Variants in PACSIN2 observed in about 807,000 individuals in gnomAD.
PACSIN2 encodes the protein protein kinase C and casein kinase substrate in neurons 2.
PACSIN2 carries 25 observed loss-of-function variants against 63.8 expected under a neutral mutation model. The observed-to-expected ratio is 0.39, with a 90% confidence interval of 0.29 to 0.55. The LOEUF (loss-of-function observed/expected upper bound fraction) is 0.55. Among genes scored for constraint, PACSIN2 ranks in the 20% least tolerant of loss-of-function variants. The pLI is 0.62. For missense variants in PACSIN2, 518 were observed against 646.9 expected, an observed-to-expected ratio of 0.80 and a Z score of 2.16; for synonymous variants, 255 against 256.2, an observed-to-expected ratio of 1.00 and a Z score of 0.05.
chr22:42,893,209 T>C (rs1464219356), intron 3 of PACSIN2, among the ~76,000 whole-genome samples: 4 of 152,230 alleles, frequency 2.6e-5, no homozygotes, highest in Non-Finnish European at 5.9e-5. Context: ...GTGTGTCCTA[T>C]GGATGACAAG....
intron 1 of PACSIN2, among the ~76,000 whole-genome samples, chr22:42,939,543 A>AGT (rs1933056788): frequency 6.6e-6 from 1 of 152,198 alleles, no homozygotes; most frequent in Admixed American, 6.5e-5. Context: ...TCCCCATTCC[A>AGT]GTGGAGCCAA....
chr22:42,993,384 G>A (rs955226856), intron 1 of PACSIN2, among the ~76,000 whole-genome samples: 1 of 152,102 alleles, frequency 6.6e-6, no homozygotes, highest in African/African-American at 2.4e-5. Context: ...GCTTAACAGT[G>A]TATTCATATG....
intron 5 of PACSIN2, among the ~76,000 whole-genome samples, chr22:42,887,953 G>A (rs1391913902): frequency 2.0e-5 from 3 of 151,846 alleles, no homozygotes; most frequent in Non-Finnish European, 2.9e-5. Flanking sequence ...CCTCACTTTC[G>A]GGGCCTGTCA....
chr22:42,991,678 T>G (rs1449969992), intron 1 of PACSIN2, among the ~76,000 whole-genome samples: 2 of 152,002 alleles, frequency 1.3e-5, no homozygotes, highest in Non-Finnish European at 2.9e-5. Flanking sequence ...CTGAGAACAG[T>G]AAACAGTCAT....
intron 1 of PACSIN2, among the ~76,000 whole-genome samples, chr22:42,914,061 C>A (rs1009483731): frequency 3.3e-5 from 5 of 152,206 alleles, no homozygotes. Flanking sequence ...TGTTGCAGGA[C>A]TAAGATGCAT....
At chr22:42,966,351 G>A (rs1920956141) in intron 1 of PACSIN2, among the ~76,000 whole-genome samples, 1 of 149,880 alleles carries the variant, frequency 6.7e-6, no homozygotes, top group African/African-American at 2.5e-5. Context: ...GCGACAGAGT[G>A]AGACTGCATC....
At chr22:42,935,365 G>C (rs1034467753) in intron 1 of PACSIN2, among the ~76,000 whole-genome samples, 17 of 152,184 alleles carry the variant, frequency 1.1e-4, no homozygotes, top group Admixed American at 3.9e-4. Flanking sequence ...GGGGCGGGGT[G>C]GGGGGAAGAA....
rs189594801 is a variant in PACSIN2, at chr22:42,979,472, C to T, written c.-78+35549G>A. Among the ~76,000 whole-genome samples the T allele has an allele frequency of 3.6e-3, 505 of 140,040 alleles. 1 individual carries two copies. Among genetic ancestry groups the T allele is most frequent in the African/African-American group, 0.014 (487 of 35,940 alleles). The allele number at this position is 140,040 out of a possible 152,430, so 91.9% of individuals were successfully genotyped here. A position where few individuals can be genotyped will look rare whatever the true frequency, so the allele number is the denominator to read the frequency against. Reference sequence around the variant, plus strand: ...ATGGGAGGTGGAGGTTGCAGTGAGCCGAGATCATGCCACTGCACTCCAGCC... The same window carrying T: ...ATGGGAGGTGGAGGTTGCAGTGAGCTGAGATCATGCCACTGCACTCCAGCC... On this transcript the variant is annotated intron_variant, in intron 1 of 10. Coordinates refer to ENST00000263246, the MANE Select transcript of PACSIN2 (RefSeq NM_001184970.3).
At chr22:42,969,260 A>C (rs546070855) in intron 1 of PACSIN2, among the ~76,000 whole-genome samples, 3 of 152,222 alleles carry the variant, frequency 2.0e-5, no homozygotes, top group Non-Finnish European at 4.4e-5. Flanking sequence ...TCATTTTACA[A>C]ATTTCTTTTC....
At chr22:42,898,320 G>A (rs1252027598) in intron 2 of PACSIN2, among the ~76,000 whole-genome samples, 1 of 150,720 alleles carries the variant, frequency 6.6e-6, no homozygotes, top group Non-Finnish European at 1.5e-5. Context: ...TGTCCAGGCT[G>A]GAGTGCAATG....
intron 1 of PACSIN2, among the ~76,000 whole-genome samples, chr22:42,987,137 A>AACACCAAG (rs1922673638): frequency 6.6e-6 from 1 of 152,008 alleles, no homozygotes; most frequent in Admixed American, 6.6e-5. Context: ...CTATACACAA[A>AACACCAAG]ACACCAAGAC....
In PACSIN2 at chr22:42,981,043, G is replaced by A. The variant is rs201691749; in HGVS notation, c.-78+33978C>T. On this transcript the variant is annotated intron_variant, in intron 1 of 10. Transcript: ENST00000263246. The stretch of plus-strand genomic sequence containing the variant: ...CCATCCCATCTAGGAAGCGAGGAGC[G>A]CCTCTTCCCCGCCGCCATCCCATCT... 6.8e-4 allele frequency among the ~76,000 whole-genome samples: 101 copies of A among 147,770 alleles called. No individual in the cohort carries two copies. In the East Asian group the frequency reaches 0.019, roughly 27 times the overall value.
chr22:42,966,510 A>G (rs1569333590), intron 1 of PACSIN2, among the ~76,000 whole-genome samples: 1 of 152,258 alleles, frequency 6.6e-6, no homozygotes, highest in Non-Finnish European at 1.5e-5. Flanking sequence ...TTGGCAAAGG[A>G]GAAAATGTTA....
At chr22:42,917,082 C>G (rs933447455) in intron 1 of PACSIN2, among the ~76,000 whole-genome samples, 2 of 152,158 alleles carry the variant, frequency 1.3e-5, no homozygotes, top group African/African-American at 4.8e-5. Flanking sequence ...AGACACTGCG[C>G]CCCATGCACT....
chr22:42,873,546 T>G (rs1190606252), intron 10 of PACSIN2, among the ~76,000 whole-genome samples: 1 of 152,216 alleles, frequency 6.6e-6, no homozygotes, highest in East Asian at 1.9e-4. Context: ...AGGCCCTGGC[T>G]TCCCTGCTGA....
In PACSIN2 at chr22:42,932,369, T is replaced by A. The variant is rs767495279; in HGVS notation, c.-77-20212A>T. ...TAGCCTGTTACCTTCTAACTCTTTT[T>A]ATATTTCCTCAAAGCACATACCACT... On this transcript the variant is annotated intron_variant, in intron 1 of 10. Coordinates refer to ENST00000263246, the MANE Select transcript of PACSIN2 (RefSeq NM_001184970.3). 7.2e-5 allele frequency among the ~76,000 whole-genome samples: 11 copies of A among 152,346 alleles called. No homozygotes were observed. In the East Asian group the frequency reaches 1.7e-3, roughly 24 times the overall value.
chr22:42,907,676 C>T (rs773402976), intron 2 of PACSIN2, among the ~76,000 whole-genome samples: 3 of 152,272 alleles, frequency 2.0e-5, no homozygotes, highest in East Asian at 1.9e-4. Context: ...TATTGACATT[C>T]GCTCGCTTCG....
At chr22:42,956,458 C>T (rs1249487437) in intron 1 of PACSIN2, among the ~76,000 whole-genome samples, 1 of 152,126 alleles carries the variant, frequency 6.6e-6, no homozygotes, top group African/African-American at 2.4e-5. Flanking sequence ...GACTATAGTG[C>T]CTTCAAAAGT....
At chr22:42,896,034 T>C (rs941794592) in intron 2 of PACSIN2, among the ~76,000 whole-genome samples, 3 of 152,234 alleles carry the variant, frequency 2.0e-5, no homozygotes, top group Non-Finnish European at 4.4e-5. Context: ...AGATGGAATC[T>C]ACACACAGGC....
Sources: allele counts gnomAD v4.1 joint callset (sites outside exome capture counted in the v4.1 genomes callset), GRCh38; gene constraint gnomAD v4.1.1; transcripts MANE v1.5; gene names NCBI Gene and HGNC (gene_info 2026-07-23, HGNC 2026-07-21).